The following SOD1 variants were observed in gnomAD, a reference collection of about 807,000 sequenced individuals.
The protein encoded by SOD1 is superoxide dismutase [Cu-Zn].
Under a neutral mutation model 15.9 loss-of-function variants are expected in SOD1, and 8 were observed. That is an observed-to-expected ratio of 0.50 (90% confidence interval 0.30 to 0.91). The LOEUF is 0.91. Among genes scored for constraint, SOD1 ranks in the 40% least tolerant of loss-of-function variants. SOD1 has a pLI of 0.07. For missense variants in SOD1, 137 were observed against 194.5 expected (o/e 0.70, Z 1.76); for synonymous variants, 86 against 71.2 (o/e 1.21, Z -1.04).
At chr21:31,662,287 C>A (rs565968936) in intron 1 of SOD1, among the ~76,000 whole-genome samples, 1 of 152,282 alleles carries the variant, frequency 6.6e-6, no homozygotes, top group East Asian at 1.9e-4. Flanking sequence ...GTCACAGTAT[C>A]TATTGTCAAA....
chr21:31,666,574 G>T lies in SOD1; in HGVS notation c.239+56G>T, dbSNP rs1399453356. 4 of 1,228,482 alleles carry T rather than the reference G, an allele frequency of 3.3e-6. No individual in the cohort carries two copies. In the East Asian group the frequency reaches 9.4e-5, roughly 29 times the overall value. The allele number at this position is 1,228,482 out of a possible 1,614,324, so 76.1% of individuals were successfully genotyped here. A position where few individuals can be genotyped will look rare whatever the true frequency, so the allele number is the denominator to read the frequency against. On this transcript the variant is annotated intron_variant, in intron 3 of 4. Coordinates refer to ENST00000270142, the MANE Select transcript of SOD1 (RefSeq NM_000454.5). ...GCGATAGCTTTCTGGAGTTCATATG[G>T]TATACTACTTGTAAATATGTGCTAA...
intron 1 of SOD1, among the ~76,000 whole-genome samples, chr21:31,662,564 A>T (rs533640561): frequency 6.6e-6 from 1 of 152,152 alleles, no homozygotes; most frequent in Non-Finnish European, 1.5e-5. Flanking sequence ...CATTACCTGA[A>T]TGGCTATACT....
chr21:31,659,897 C>A, intron 1 of SOD1, 56 bp downstream of exon 1: 2 of 1,567,014 alleles, frequency 1.3e-6, no homozygotes, highest in Non-Finnish European at 1.7e-6. Flanking sequence ...CTCGTCCCCC[C>A]GCGCACCTTT....
chr21:31,666,122 C>T (rs1012377153), intron 2 of SOD1, among the ~76,000 whole-genome samples: 2 of 152,022 alleles, frequency 1.3e-5, no homozygotes, highest in African/African-American at 4.8e-5. Context: ...TAGGTGCGCA[C>T]CACCACGCCT....
At chr21:31,662,186 C>T (rs2049553911) in intron 1 of SOD1, among the ~76,000 whole-genome samples, 1 of 152,226 alleles carries the variant, frequency 6.6e-6, no homozygotes, top group Admixed American at 6.5e-5. Context: ...TTCAAAGAAC[C>T]TGCTGTTTTT....
intron 1 of SOD1, chr21:31,661,629 T>G (rs2049549624): frequency 6.6e-6 from 1 of 152,656 alleles, no homozygotes; most frequent in African/African-American, 2.4e-5. Flanking sequence ...CCCAAAGTGC[T>G]GGGATTACAG....
At chr21:31,663,712 C>G (rs531001639) in intron 1 of SOD1, 78 bp from the exon 2 acceptor site, 1 of 1,163,576 alleles carries the variant, frequency 8.6e-7, no homozygotes, top group East Asian at 2.5e-5. Flanking sequence ...CTGCTTTTTA[C>G]TTCACTGTGA....
In SOD1 at chr21:31,668,793, A is replaced by G. The variant is rs762299921; in HGVS notation, c.*215A>G. On this transcript the variant is annotated 3_prime_UTR_variant, in exon 5 of 5. Transcript: ENST00000270142. ...AAAACTCAGTTAAAATGTCTGTTTC[A>G]ATGACCTGTATTTTGCCAGACTTAA... 28 of 539,104 alleles carry G rather than the reference A, an allele frequency of 5.2e-5. No individual in the cohort carries two copies. The highest frequency in any genetic ancestry group is 7.3e-5 in the Non-Finnish European group (22 of 300,288). 33.4% of individuals were successfully genotyped at this position (539,104 alleles called of 1,614,324 possible). A position where few individuals can be genotyped will look rare whatever the true frequency, so the allele number is the denominator to read the frequency against.
rs944026802 is a variant in SOD1, at chr21:31,668,369, T to C, written c.358-102T>C. On this transcript the variant is annotated intron_variant, in intron 4 of 4. Transcript: ENST00000270142. The stretch of plus-strand genomic sequence containing the variant: ...TATCTCTCTACTAGGATTAATGTTA[T>C]TTTTCTAATATTATGAGGTTCTTAA... The C allele has an allele frequency of 1.2e-5, 10 of 800,974 alleles. No individual in the cohort carries two copies. In the African/African-American group the frequency reaches 1.7e-4, roughly 14 times the overall value. 49.6% of individuals were successfully genotyped at this position (800,974 alleles called of 1,614,324 possible). A position where few individuals can be genotyped will look rare whatever the true frequency, so the allele number is the denominator to read the frequency against.
At chr21:31,664,266 C>G (rs1488875015) in intron 2 of SOD1, 1 of 275,458 alleles carries the variant, frequency 3.6e-6, no homozygotes, top group Non-Finnish European at 7.2e-6. Flanking sequence ...AGCCACTGTG[C>G]CTGGGAAAAC....
At position 31,668,449 on chromosome 21, in the gene SOD1, ATCT is replaced by A. The variant is rs774491046; in HGVS notation, c.358-17_358-15del. 11 of 1,582,738 alleles carry A rather than the reference ATCT, an allele frequency of 6.9e-6. No individual in the cohort carries two copies. Among genetic ancestry groups the A allele is most frequent in the Middle Eastern group, 1.7e-4 (1 of 6,022 alleles). Reference sequence around the variant, plus strand: ...AGTGATTACTTGACAGCCCAAAGTTATCTTCTTAAAATTTTTTACAGGTCCATG... The same window carrying A: ...AGTGATTACTTGACAGCCCAAAGTTATCTTAAAATTTTTTACAGGTCCATG... On this transcript the variant is annotated intron_variant, in intron 4 of 4. Coordinates refer to ENST00000270142, the MANE Select transcript of SOD1 (RefSeq NM_000454.5).
Position 31,668,347 on chromosome 21 carries a change from C to G in SOD1, c.358-124C>G. ...TTTAAACTACTAAATATTAGTATAT[C>G]TCTCTACTAGGATTAATGTTATTTT... On this transcript the variant is annotated intron_variant, in intron 4 of 4. Transcript: ENST00000270142. 3 of 713,970 alleles carry G rather than the reference C, an allele frequency of 4.2e-6. No individual in the cohort carries two copies. In the South Asian group the frequency reaches 4.6e-5, roughly 11 times the overall value. 44.2% of individuals were successfully genotyped at this position (713,970 alleles called of 1,614,324 possible). A position where few individuals can be genotyped will look rare whatever the true frequency, so the allele number is the denominator to read the frequency against.
At chr21:31,664,534 A>G (rs559528368) in intron 2 of SOD1, 1 of 154,540 alleles carries the variant, frequency 6.5e-6, no homozygotes, top group African/African-American at 2.4e-5. Context: ...TAGCCACAAA[A>G]CTGGGCTTTG....
At position 31,668,471 on chromosome 21, in the gene SOD1, G is replaced by C. The variant is rs1457889952; in HGVS notation, c.358G>C (p.Val120Leu). 1.2e-6 allele frequency: 2 copies of C among 1,612,832 alleles called. No homozygotes were observed. The highest frequency in any genetic ancestry group is 3.3e-5 in the Admixed American group (2 of 60,012). The change falls in exon 5 of 5, where the codon GTC (valine) becomes CTC (leucine). Residue 120 changes from valine to leucine, a missense_variant and splice_region_variant. Val to Leu is a conservative substitution (Grantham distance 32). Coordinates refer to ENST00000270142, the MANE Select transcript of SOD1 (RefSeq NM_000454.5). ...DHCIIGRTLV[V>L]HEKADDLGKG... ...GTTATCTTCTTAAAATTTTTTACAG[G>C]TCCATGAAAAAGCAGATGACTTGGG...
At position 31,659,745 on chromosome 21, in the gene SOD1, G is replaced by C. The variant is rs1266185363; in HGVS notation, c.-25G>C. 9 of 1,613,650 alleles carry C rather than the reference G, an allele frequency of 5.6e-6. No homozygotes were observed. The South Asian group carries it at 8.8e-5, about 16-fold the overall frequency. ...GTTTCCGTTGCAGTCCTCGGAACCA[G>C]GACCTCGGCGTGGCCTAGCGAGTTA... On this transcript the variant is annotated 5_prime_UTR_variant, in exon 1 of 5. Coordinates refer to ENST00000270142, the MANE Select transcript of SOD1 (RefSeq NM_000454.5).
intron 1 of SOD1, among the ~76,000 whole-genome samples, chr21:31,662,175 T>G (rs932721310): frequency 1.3e-5 from 2 of 151,938 alleles, no homozygotes; most frequent in African/African-American, 4.8e-5. Flanking sequence ...TAAATGGAGG[T>G]TTCAAAGAAC....
rs1366694199 is a variant in SOD1, at chr21:31,668,402, T to G, written c.358-69T>G. On this transcript the variant is annotated intron_variant, in intron 4 of 4. Transcript: ENST00000270142. Reference sequence around the variant, plus strand: ...ATATTATGAGGTTCTTAAACATCTTTTGGGTATTGTTGGGAGGAGGTAGTG... The same window carrying G: ...ATATTATGAGGTTCTTAAACATCTTGTGGGTATTGTTGGGAGGAGGTAGTG... 10 of 949,126 alleles carry G rather than the reference T, an allele frequency of 1.1e-5. No individual in the cohort carries two copies. The East Asian group carries it at 2.2e-4, about 20-fold the overall frequency. 58.8% of individuals were successfully genotyped at this position (949,126 alleles called of 1,614,324 possible).
In SOD1 at chr21:31,668,597, T is replaced by C. The variant is rs1334905611; in HGVS notation, c.*19T>C. ...CCAATAAACATTCCCTTGGATGTAG[T>C]CTGAGGCCCCTTAACTCATCTGTTA... On this transcript the variant is annotated 3_prime_UTR_variant, in exon 5 of 5. Coordinates refer to ENST00000270142, the MANE Select transcript of SOD1 (RefSeq NM_000454.5). The C allele has an allele frequency of 3.2e-6, 5 of 1,547,554 alleles. No individual in the cohort carries two copies. The highest frequency in any genetic ancestry group is 3.6e-6 in the Non-Finnish European group (4 of 1,119,250).
chr21:31,665,970 G>GTT (rs397866461), intron 2 of SOD1, among the ~76,000 whole-genome samples: 50 of 128,284 alleles, frequency 3.9e-4, no homozygotes, highest in Non-Finnish European at 4.8e-4. Context: ...ACTTGGTGGG[G>GTT]TTTTTTTTTT....
Sources: gnomAD v4.1 joint callset for allele counts (sites outside exome capture counted in the v4.1 genomes callset) on GRCh38, gnomAD v4.1.1 for gene constraint, MANE v1.5 for transcripts, NCBI Gene and HGNC (gene_info 2026-07-23, HGNC 2026-07-21) for gene names.